Variants in GRIK3 observed in about 807,000 individuals in gnomAD.
GRIK3 encodes the protein glutamate ionotropic receptor kainate type subunit 3.
Under a neutral mutation model 102.5 loss-of-function variants are expected in GRIK3, and 29 were observed. The observed-to-expected ratio is 0.28, with a 90% CI of 0.21 to 0.39. GRIK3 has a LOEUF of 0.39. Among genes scored for constraint, GRIK3 ranks in the 10% least tolerant of loss-of-function variants. The probability of loss-of-function intolerance (pLI) is 1.00; values close to 1 mark genes in which losing one functional copy is unlikely to be tolerated. For synonymous variants in GRIK3, 511 were observed against 504.9 expected (o/e 1.01, Z -0.16); for missense variants, 908 against 1,252.4 (o/e 0.73, Z 4.15).
chr1:36,972,340 C>G (rs967294160), intron 1 of GRIK3, among the ~76,000 whole-genome samples: 3 of 152,196 alleles, frequency 2.0e-5, no homozygotes, highest in Non-Finnish European at 4.4e-5. Flanking sequence ...ATGGAATGGA[C>G]CAGGCCTTCC....
chr1:36,812,941 C>T (rs1642580046), intron 13 of GRIK3, among the ~76,000 whole-genome samples: 1 of 152,256 alleles, frequency 6.6e-6, no homozygotes, highest in Non-Finnish European at 1.5e-5. Context: ...AAATCCCATC[C>T]TTTCACTCAA....
chr1:36,990,301 C>G (rs967756988), intron 1 of GRIK3, among the ~76,000 whole-genome samples: 1 of 152,198 alleles, frequency 6.6e-6, no homozygotes, highest in Non-Finnish European at 1.5e-5. Context: ...CTGCTGTATC[C>G]GCTGAGCTAG....
At chr1:36,968,963 T>C (rs545864628) in intron 1 of GRIK3, among the ~76,000 whole-genome samples, 22 of 152,232 alleles carry the variant, frequency 1.4e-4, no homozygotes, top group African/African-American at 5.3e-4. Context: ...GCAAACTAAT[T>C]TGGGGGCCTT....
At chr1:36,937,946 A>C (rs937790624) in intron 1 of GRIK3, among the ~76,000 whole-genome samples, 6 of 152,340 alleles carry the variant, frequency 3.9e-5, no homozygotes, top group African/African-American at 1.4e-4. Flanking sequence ...GCTAGTGTAC[A>C]TGCCAAGCCT....
chr1:36,980,649 C>T (rs1642239862), intron 1 of GRIK3, among the ~76,000 whole-genome samples: 1 of 151,984 alleles, frequency 6.6e-6, no homozygotes, highest in East Asian at 1.9e-4. Context: ...TCTGCCCATT[C>T]CCAGGGTCCC....
intron 13 of GRIK3, among the ~76,000 whole-genome samples, chr1:36,807,950 C>T (rs1211148276): frequency 2.0e-5 from 3 of 152,234 alleles, no homozygotes; most frequent in Admixed American, 1.3e-4. Context: ...CTCAGCCTGC[C>T]CTTCTTTCAG....
chr1:36,883,702 G>A (rs1641008592), intron 2 of GRIK3, among the ~76,000 whole-genome samples: 1 of 152,202 alleles, frequency 6.6e-6, no homozygotes, highest in Non-Finnish European at 1.5e-5. Flanking sequence ...CCAACCAGAG[G>A]AGGCAGAGGG....
chr1:36,975,486 G>A (rs1421796217), intron 1 of GRIK3, among the ~76,000 whole-genome samples: 2 of 152,046 alleles, frequency 1.3e-5, no homozygotes, highest in African/African-American at 4.8e-5. Context: ...AGTAGAGACA[G>A]GGTTTCACTG....
intron 1 of GRIK3, among the ~76,000 whole-genome samples, chr1:37,017,404 A>AAG (rs1642664225): frequency 6.8e-6 from 1 of 146,390 alleles, no homozygotes; most frequent in African/African-American, 2.7e-5. Flanking sequence ...AAGAAGAAGA[A>AAG]AAAAAGGTGT....
In GRIK3 at chr1:36,989,622, C is replaced by A. The variant is rs571103175; in HGVS notation, c.115+44372G>T. On this transcript the variant is annotated intron_variant, in intron 1 of 15. Transcript: ENST00000373091. Reference sequence around the variant, plus strand: ...AATCACATGCTTGGATCTCTGGGATCCTCCTGGGGGACCAAGTCTGGGCCC... The same window carrying A: ...AATCACATGCTTGGATCTCTGGGATACTCCTGGGGGACCAAGTCTGGGCCC... Among the ~76,000 whole-genome samples the A allele has an allele frequency of 3.3e-5, 5 of 152,288 alleles. No individual in the cohort carries two copies. The East Asian group carries it at 9.7e-4, about 29-fold the overall frequency.
chr1:36,922,453 C>A (rs1641484294), intron 1 of GRIK3, among the ~76,000 whole-genome samples: 1 of 152,164 alleles, frequency 6.6e-6, no homozygotes, highest in African/African-American at 2.4e-5. Context: ...TCCCCATGAG[C>A]CAGCATCTAA....
At chr1:36,864,452 A>G (rs1640760890) in intron 5 of GRIK3, among the ~76,000 whole-genome samples, 1 of 152,224 alleles carries the variant, frequency 6.6e-6, no homozygotes, top group Non-Finnish European at 1.5e-5. Context: ...CCTGATATCT[A>G]AGGCTTGAAA....
chr1:36,841,113 C>T (rs1449474495), intron 10 of GRIK3, among the ~76,000 whole-genome samples: 2 of 152,144 alleles, frequency 1.3e-5, no homozygotes, highest in Non-Finnish European at 2.9e-5. Context: ...CTCCCTCTTC[C>T]TCCCAATGTC....
chr1:36,905,803 A>G (rs1641278814), intron 1 of GRIK3, among the ~76,000 whole-genome samples: 1 of 152,228 alleles, frequency 6.6e-6, no homozygotes, highest in African/African-American at 2.4e-5. Context: ...CACACAAAAA[A>G]CAAAAAAAGC....
intron 6 of GRIK3, 87 bp downstream of exon 6, chr1:36,859,753 TGGAG>T: frequency 9.7e-7 from 1 of 1,033,722 alleles, no homozygotes; most frequent in East Asian, 2.4e-5. Context: ...AGAGAAGTGG[TGGAG>T]GGAAGAAAGA....
Position 36,952,392 on chromosome 1 carries a change from C to CTGAA in GRIK3, c.116-61300_116-61297dup, listed in dbSNP as rs529074031. ...ACAGGGCCTCTGCACAGAGCAGGTG[C>CTGAA]TGAATGAATGAATGAATGAATGAGA... On this transcript the variant is annotated intron_variant, in intron 1 of 15. Coordinates refer to ENST00000373091, the MANE Select transcript of GRIK3 (RefSeq NM_000831.4). Among the ~76,000 whole-genome samples, 502 of 152,208 alleles carry CTGAA rather than the reference C, an allele frequency of 3.3e-3. 3 individuals carry two copies. The highest frequency in any genetic ancestry group is 0.027 in the South Asian group (131 of 4,806).
At chr1:36,865,692 A>G (rs1213708575) in intron 5 of GRIK3, among the ~76,000 whole-genome samples, 1 of 152,144 alleles carries the variant, frequency 6.6e-6, no homozygotes, top group Non-Finnish European at 1.5e-5. Flanking sequence ...TTGTGTGGGG[A>G]GGAAGGACAG....
At chr1:36,855,381 C>T (rs913338094) in intron 7 of GRIK3, among the ~76,000 whole-genome samples, 13 of 152,224 alleles carry the variant, frequency 8.5e-5, no homozygotes, top group African/African-American at 3.1e-4. Context: ...CCACAGTTCC[C>T]TGGAGTTTCA....
At chr1:36,981,982 C>T (rs368875929) in intron 1 of GRIK3, among the ~76,000 whole-genome samples, 33 of 152,222 alleles carry the variant, frequency 2.2e-4, no homozygotes, top group East Asian at 1.7e-3. Context: ...AAACGGGGAG[C>T]GGGAGTGTGG....
Sources: allele counts gnomAD v4.1 joint callset (sites outside exome capture counted in the v4.1 genomes callset), GRCh38; gene constraint gnomAD v4.1.1; transcripts MANE v1.5; gene names NCBI Gene and HGNC (gene_info 2026-07-23, HGNC 2026-07-21).